Variants in PDZD9 observed in about 807,000 individuals in gnomAD.
The protein encoded by PDZD9 is PDZ domain containing 9, also known as PDZ domain-containing protein 9.
In PDZD9, 13 loss-of-function variants were observed where a neutral mutation model predicts 16.3. That is an observed-to-expected ratio of 0.80 (90% confidence interval 0.52 to 1.27). The LOEUF (loss-of-function observed/expected upper bound fraction) is 1.27, where lower values mean the gene tolerates loss of function less well. Among genes scored for constraint, PDZD9 ranks in the 50% most tolerant of loss-of-function variants. PDZD9 has a pLI of 0.00. For synonymous variants in PDZD9, 120 were observed against 111.0 expected, an observed-to-expected ratio of 1.08 and a Z score of -0.51; for missense variants, 288 against 310.9, an observed-to-expected ratio of 0.93 and a Z score of 0.55.
At position 22,001,092 on chromosome 16, in the gene PDZD9, G is replaced by C. The variant is rs1323608158; in HGVS notation, c.-45C>G. The stretch of plus-strand genomic sequence containing the variant: ...GCCCGGGAGGGCCTCCCGGAGCAGA[G>C]GCTGGAGTCAGTCCCAATGCCAACA... On this transcript the variant is annotated 5_prime_UTR_variant, in exon 1 of 4. Transcript: ENST00000424898. 1 of 1,491,382 alleles carries C rather than the reference G, an allele frequency of 6.7e-7. No homozygotes were observed. Among genetic ancestry groups the C allele is most frequent in the South Asian group, 1.3e-5 (1 of 79,206 alleles). 92.4% of individuals were successfully genotyped at this position (1,491,382 alleles called of 1,614,324 possible).
the PDZD9 span, chr16:21,977,037 GTGTGTGTA>G: frequency 1.3e-5 from 2 of 152,120 alleles, no homozygotes; most frequent in Admixed American, 6.6e-5. Flanking sequence ...CCATGTTAGA[GTGTGTGTA>G]TGTGTGTATG....
chr16:21,961,062 C>T, the PDZD9 span, among the ~76,000 whole-genome samples: 1 of 152,122 alleles, frequency 6.6e-6, no homozygotes, highest in African/African-American at 2.4e-5. Context: ...AACTCCTGGC[C>T]TCAGGTGATC....
rs773101505 is a variant in PDZD9 at position 21,988,003 on chromosome 16, C to CTTTT, written c.401+595_401+598dup. On this transcript the variant is annotated intron_variant, in intron 3 of 3. Coordinates refer to ENST00000424898, the MANE Select transcript of PDZD9 (RefSeq NM_001363519.1). The stretch of plus-strand genomic sequence containing the variant: ...AAGAAAATAGGATTTGCAAGAAGCA[C>CTTTT]TTTTTTTTTTTTTTTTTTTTTTTGA... Among the ~76,000 whole-genome samples, 95 of 100,680 alleles carry CTTTT rather than the reference C, an allele frequency of 9.4e-4. 2 individuals are homozygous for CTTTT. Among genetic ancestry groups the CTTTT allele is most frequent in the Non-Finnish European group, 1.4e-3 (76 of 53,282 alleles). 66.0% of individuals were successfully genotyped at this position (100,680 alleles called of 152,430 possible). A position where few individuals can be genotyped will look rare whatever the true frequency, so the allele number is the denominator to read the frequency against.
the PDZD9 span, chr16:21,962,763 A>C: frequency 6.2e-7 from 1 of 1,614,104 alleles, no homozygotes; most frequent in African/African-American, 1.3e-5. Flanking sequence ...TTCTGTAGTG[A>C]TATTCTAATG....
chr16:21,980,046 A>G (rs1412871700), downstream of PDZD9, among the ~76,000 whole-genome samples: 2 of 152,212 alleles, frequency 1.3e-5, no homozygotes, highest in African/African-American at 4.8e-5. Flanking sequence ...AACCTGGGCC[A>G]AGCTATGATG....
the PDZD9 span, among the ~76,000 whole-genome samples, chr16:21,964,668 T>A: frequency 6.6e-6 from 1 of 152,190 alleles, no homozygotes; most frequent in Non-Finnish European, 1.5e-5. Context: ...CACATATTAC[T>A]TGTATTAATT....
chr16:21,973,846 CCT>C, the PDZD9 span: 1 of 1,547,224 alleles, frequency 6.5e-7, no homozygotes, highest in East Asian at 2.3e-5. Flanking sequence ...GAAATCGTGC[CCT>C]GTTTTACTTG....
the PDZD9 span, chr16:21,962,669 A>G: frequency 1.3e-6 from 2 of 1,598,584 alleles, no homozygotes; most frequent in Non-Finnish European, 8.6e-7. Context: ...CAAGACCTAA[A>G]GTTTCACATT....
At chr16:21,975,677 G>T in the PDZD9 span, among the ~76,000 whole-genome samples, 2 of 152,012 alleles carry the variant, frequency 1.3e-5, no homozygotes, top group Non-Finnish European at 2.9e-5. Context: ...TTACAAATTG[G>T]CTGTGTATGG....
downstream of PDZD9, among the ~76,000 whole-genome samples, chr16:21,982,902 T>TGCAGTGAGCCAAGATC (rs1898767003): frequency 6.9e-6 from 1 of 145,068 alleles, no homozygotes; most frequent in Admixed American, 7.2e-5. Context: ...AGGCGGAGGC[T>TGCAGTGAGCCAAGATC]GCAGTGAGCC....
At chr16:21,962,190 T>G in the PDZD9 span, 1 of 421,694 alleles carries the variant, frequency 2.4e-6, no homozygotes, top group Non-Finnish European at 4.3e-6. Flanking sequence ...CCTTTGTGAC[T>G]GGCTTATTAT....
the PDZD9 span, among the ~76,000 whole-genome samples, chr16:21,972,991 T>C: frequency 6.6e-6 from 1 of 152,180 alleles, no homozygotes; most frequent in African/African-American, 2.4e-5. Context: ...TCCCAGCTAC[T>C]TGGGAGGCTG....
chr16:21,987,318 G>T (rs1324084364), intron 3 of PDZD9, among the ~76,000 whole-genome samples: 3 of 152,180 alleles, frequency 2.0e-5, no homozygotes, highest in African/African-American at 7.2e-5. Flanking sequence ...TACCCTGGAG[G>T]CTGAGGCAGG....
chr16:21,985,771 T>C (rs1422239628), intron 3 of PDZD9, among the ~76,000 whole-genome samples: 1 of 152,240 alleles, frequency 6.6e-6, no homozygotes, highest in East Asian at 1.9e-4. Flanking sequence ...AGTCTGCCTG[T>C]TGTATTTGCT....
At position 21,984,095 on chromosome 16, in the gene PDZD9, A is replaced by T. The variant is rs1230622089; in HGVS notation, c.*172T>A. 1 of 625,382 alleles carries T rather than the reference A, an allele frequency of 1.6e-6. No individual in the cohort carries two copies. Among genetic ancestry groups the T allele is most frequent in the African/African-American group, 1.8e-5 (1 of 54,062 alleles). 38.7% of individuals were successfully genotyped at this position (625,382 alleles called of 1,614,324 possible). A position where few individuals can be genotyped will look rare whatever the true frequency, so the allele number is the denominator to read the frequency against. On this transcript the variant is annotated 3_prime_UTR_variant, in exon 4 of 4. Transcript: ENST00000424898. Reference sequence around the variant, plus strand: ...TGTGAGGCCTGCAAGAACCCAAGGAAGTCTTTAGATAATCCTGTTGAAGAA... The same window carrying T: ...TGTGAGGCCTGCAAGAACCCAAGGATGTCTTTAGATAATCCTGTTGAAGAA...
chr16:21,996,388 G>T lies in PDZD9; in HGVS notation c.145C>A (p.Pro49Thr). 1 of 1,536,088 alleles carries T rather than the reference G, an allele frequency of 6.5e-7. No homozygotes were observed. Among genetic ancestry groups the T allele is most frequent in the Non-Finnish European group, 8.7e-7 (1 of 1,146,860 alleles). Residue 49 changes from proline (P) to threonine (T), a missense_variant, in exon 2 of 4, where the codon CCC becomes ACC. Pro to Thr is a conservative substitution (Grantham distance 38, BLOSUM62 -1). Coordinates refer to ENST00000424898, the MANE Select transcript of PDZD9 (RefSeq NM_001363519.1). ...GLGLIIIQHG[P>T]YLQITHLIRK... is the part of the protein sequence containing the mutation. ...ATGAGGTGGGTGATCTGGAGGTAGGGTCCATGCTGGATGATGATGAGGCCT... is the reference window on the plus strand; with the variant it reads ...ATGAGGTGGGTGATCTGGAGGTAGGTTCCATGCTGGATGATGATGAGGCCT...
the PDZD9 span, chr16:21,972,058 G>A: frequency 5.0e-5 from 80 of 1,614,026 alleles, no homozygotes; most frequent in Admixed American, 1.2e-4. Flanking sequence ...CATGTCAAGA[G>A]GGGCAGCAAC....
chr16:21,995,809 T>G (rs1202145432), intron 2 of PDZD9, among the ~76,000 whole-genome samples: 1 of 152,126 alleles, frequency 6.6e-6, no homozygotes, highest in East Asian at 1.9e-4. Context: ...ATTTAATTAT[T>G]TTTTGAGACG....
At chr16:21,959,970 C>G in the PDZD9 span, among the ~76,000 whole-genome samples, 5 of 152,118 alleles carry the variant, frequency 3.3e-5, no homozygotes, top group African/African-American at 1.2e-4. Flanking sequence ...CTTTTTTGTT[C>G]ATTTACAGAG....
Sources: allele counts gnomAD v4.1 joint callset (sites outside exome capture counted in the v4.1 genomes callset), GRCh38; gene constraint gnomAD v4.1.1; transcripts MANE v1.5; gene names NCBI Gene and HGNC (gene_info 2026-07-23, HGNC 2026-07-21).